Variants in RAD51B observed in about 807,000 individuals in gnomAD.
RAD51B encodes the protein DNA repair protein RAD51 homolog 2.
RAD51B carries 38 observed loss-of-function variants against 42.2 expected under a neutral mutation model. The ratio of observed to expected loss-of-function variants is 0.90; its 90% confidence interval spans 0.70 to 1.18. The LOEUF (loss-of-function observed/expected upper bound fraction) is 1.18, where lower values mean the gene tolerates loss of function less well. Ranked by LOEUF, RAD51B falls within the 50% of genes most tolerant of loss-of-function variation. RAD51B has a pLI of 0.00. For synonymous variants in RAD51B, 154 were observed against 145.2 expected (o/e 1.06, Z -0.43); for missense variants, 373 against 400.7 (o/e 0.93, Z 0.59).
chr14:68,135,884 T>C (rs565793814), intron 7 of RAD51B, among the ~76,000 whole-genome samples: 2 of 152,184 alleles, frequency 1.3e-5, no homozygotes, highest in Non-Finnish European at 2.9e-5. Context: ...ATTCTAAATA[T>C]GAGATTCCAA....
chr14:67,862,746 C>T (rs1430697244), intron 4 of RAD51B, among the ~76,000 whole-genome samples: 1 of 151,956 alleles, frequency 6.6e-6, no homozygotes, highest in Admixed American at 6.6e-5. Flanking sequence ...TTTAAAGATA[C>T]AATTTGGCTT....
Position 67,823,611 on chromosome 14 carries a change from A to G in RAD51B, c.68A>G (p.Gln23Arg), listed in dbSNP as rs2040710518. 8 of 1,612,846 alleles carry G rather than the reference A, an allele frequency of 5.0e-6. No individual in the cohort carries two copies. In the African/African-American group the frequency reaches 6.7e-5, roughly 13 times the overall value. The change falls in exon 2 of 11, where the codon CAG (glutamine) becomes CGG (arginine). Residue 23 changes from glutamine (Q) to arginine (R), a missense_variant. Gln to Arg is a conservative substitution (Grantham distance 43). Transcript: ENST00000471583. ...QELCDRLSRH[Q>R]ILTCQDFLCL... is the part of the protein sequence containing the mutation. ...CTGTGTGACCGTCTGAGTAGACATCAGATCCTTACCTGTCAGGTAAATTTT... is the reference window on the plus strand; with the variant it reads ...CTGTGTGACCGTCTGAGTAGACATCGGATCCTTACCTGTCAGGTAAATTTT...
At chr14:67,857,096 A>G (rs543616829) in intron 4 of RAD51B, among the ~76,000 whole-genome samples, 3 of 152,314 alleles carry the variant, frequency 2.0e-5, no homozygotes, top group African/African-American at 7.2e-5. Context: ...ATTCAGAGCT[A>G]GACTATCTGA....
downstream of RAD51B, among the ~76,000 whole-genome samples, chr14:68,597,803 T>A (rs200911073): frequency 5.6e-5 from 8 of 143,534 alleles, no homozygotes; most frequent in South Asian, 2.2e-4. Context: ...AAATACAAGT[T>A]AAAAAAAAAA....
At chr14:68,518,880 G>A (rs890722601) in intron 10 of RAD51B, among the ~76,000 whole-genome samples, 9 of 152,080 alleles carry the variant, frequency 5.9e-5, no homozygotes, top group Non-Finnish European at 1.2e-4. Context: ...AAAAACGAAG[G>A]ATTTAGGGAA....
At chr14:68,058,055 G>A (rs1595337631) in intron 7 of RAD51B, among the ~76,000 whole-genome samples, 1 of 151,670 alleles carries the variant, frequency 6.6e-6, no homozygotes, top group Non-Finnish European at 1.5e-5. Flanking sequence ...GGAAAATCTG[G>A]CACAGAATTA....
chr14:68,076,755 G>A (rs376106192), intron 7 of RAD51B, among the ~76,000 whole-genome samples: 49 of 152,116 alleles, frequency 3.2e-4, no homozygotes, highest in Admixed American at 1.9e-3. Flanking sequence ...GAAATGACTC[G>A]CCACAATTTC....
intron 4 of RAD51B, among the ~76,000 whole-genome samples, chr14:67,838,471 C>T (rs1376366156): frequency 6.6e-6 from 1 of 151,910 alleles, no homozygotes; most frequent in Admixed American, 6.6e-5. Context: ...GATACATGGT[C>T]TAGCTGTGTC....
chr14:67,953,787 T>A (rs1337357458), intron 7 of RAD51B, among the ~76,000 whole-genome samples: 1 of 152,088 alleles, frequency 6.6e-6, no homozygotes, highest in Non-Finnish European at 1.5e-5. Context: ...AGGGCACTGG[T>A]TGTACCATTA....
rs557081429 is a variant in RAD51B, at chr14:68,046,179, AG to A, written c.756+158976del. 2.4e-4 allele frequency among the ~76,000 whole-genome samples: 36 copies of A among 152,284 alleles called. 2 individuals carry two copies. The South Asian group carries it at 7.3e-3, about 31-fold the overall frequency. ...CACTCTGTCACCCAGGCTGGAGTGCAGTGGCACAATCATGGCTCACTGCAGC... is the reference window on the plus strand; with the variant it reads ...CACTCTGTCACCCAGGCTGGAGTGCATGGCACAATCATGGCTCACTGCAGC... On this transcript the variant is annotated intron_variant, in intron 7 of 10. Coordinates refer to ENST00000471583, the MANE Select transcript of RAD51B (RefSeq NM_133510.4).
chr14:68,094,738 A>T (rs924768692), intron 7 of RAD51B, among the ~76,000 whole-genome samples: 1 of 152,224 alleles, frequency 6.6e-6, no homozygotes, highest in African/African-American at 2.4e-5. Context: ...ATAATTTAGG[A>T]GAGATGACCT....
intron 11 of RAD51B, among the ~76,000 whole-genome samples, chr14:68,677,097 G>C (rs983689157): frequency 6.6e-5 from 10 of 152,158 alleles, no homozygotes; most frequent in African/African-American, 2.4e-4. Flanking sequence ...GCTGGAAAAT[G>C]ATTTCTGGAA....
chr14:68,489,132 T>A (rs952007152), intron 10 of RAD51B, among the ~76,000 whole-genome samples: 11 of 152,078 alleles, frequency 7.2e-5, no homozygotes, highest in Admixed American at 3.3e-4. Context: ...TTTTTTTTTT[T>A]TTATTAAATT....
chr14:68,187,798 T>C (rs1259679573), intron 7 of RAD51B, among the ~76,000 whole-genome samples: 1 of 152,078 alleles, frequency 6.6e-6, no homozygotes, highest in African/African-American at 2.4e-5. Context: ...TTTGGACATA[T>C]TTTTATTTTA....
intron 8 of RAD51B, among the ~76,000 whole-genome samples, chr14:68,380,035 T>C (rs1448278346): frequency 1.3e-5 from 2 of 152,226 alleles, no homozygotes; most frequent in African/African-American, 2.4e-5. Flanking sequence ...TTCCACTTCA[T>C]TTTTATATAC....
At chr14:68,591,834 G>A (rs1175538269) in intron 10 of RAD51B, among the ~76,000 whole-genome samples, 1 of 152,134 alleles carries the variant, frequency 6.6e-6, no homozygotes, top group Non-Finnish European at 1.5e-5. Flanking sequence ...CCTGGGATGT[G>A]GAAGTGATTG....
intron 7 of RAD51B, among the ~76,000 whole-genome samples, chr14:68,034,221 C>T (rs2076087940): frequency 6.6e-6 from 1 of 151,162 alleles, no homozygotes; most frequent in South Asian, 2.1e-4. Context: ...TTATCTGACC[C>T]AGAATAGATT....
intron 7 of RAD51B, among the ~76,000 whole-genome samples, chr14:68,188,006 G>A (rs559306187): frequency 2.0e-5 from 3 of 152,034 alleles, no homozygotes; most frequent in South Asian, 2.1e-4. Flanking sequence ...GTAGAGATGG[G>A]GTTTCACCAT....
At chr14:67,899,689 G>A (rs1404570781) in intron 7 of RAD51B, among the ~76,000 whole-genome samples, 2 of 152,150 alleles carry the variant, frequency 1.3e-5, no homozygotes, top group East Asian at 3.8e-4. Flanking sequence ...GGTTTGAAAT[G>A]CTGTTAAGAA....
Sources: allele counts gnomAD v4.1 joint callset (sites outside exome capture counted in the v4.1 genomes callset), GRCh38; gene constraint gnomAD v4.1.1; transcripts MANE v1.5; gene names NCBI Gene and HGNC (gene_info 2026-07-23, HGNC 2026-07-21).